The following SLC35F3 variants were observed in gnomAD, a reference collection of about 807,000 sequenced individuals.
SLC35F3 encodes the protein putative thiamine transporter SLC35F3.
In SLC35F3, 25 loss-of-function variants were observed where a neutral mutation model predicts 49.9. The ratio of observed to expected loss-of-function variants is 0.50; its 90% CI spans 0.37 to 0.70. SLC35F3 has a LOEUF of 0.70. Ranked by LOEUF, SLC35F3 falls within the 30% of genes least tolerant of loss-of-function variation. SLC35F3 has a pLI of 0.00. For synonymous variants in SLC35F3, 275 were observed against 265.4 expected (o/e 1.04, Z -0.35); for missense variants, 525 against 639.8 (o/e 0.82, Z 1.94).
chr1:234,033,226 G>A (rs1664088726), intron 2 of SLC35F3, among the ~76,000 whole-genome samples: 1 of 151,984 alleles, frequency 6.6e-6, no homozygotes, highest in South Asian at 2.1e-4. Flanking sequence ...CTTGCAATTT[G>A]TTTGAGTTCT....
At chr1:234,149,156 GA>G in intron 2 of SLC35F3, among the ~76,000 whole-genome samples, 1 of 152,160 alleles carries the variant, frequency 6.6e-6, no homozygotes, top group African/African-American at 2.4e-5. Context: ...TGGAAAAGGG[GA>G]GAACCAAGTC....
At chr1:234,279,954 C>T (rs1414594171) in intron 3 of SLC35F3, among the ~76,000 whole-genome samples, 5 of 152,168 alleles carry the variant, frequency 3.3e-5, no homozygotes, top group Non-Finnish European at 7.3e-5. Flanking sequence ...GATAGGATAA[C>T]TCAATTCAGG....
chr1:234,246,869 C>A (rs561720831), intron 3 of SLC35F3, among the ~76,000 whole-genome samples: 2 of 152,180 alleles, frequency 1.3e-5, no homozygotes, highest in African/African-American at 4.8e-5. Context: ...TTGGGAGGCC[C>A]TGTCGGCTGC....
intron 2 of SLC35F3, among the ~76,000 whole-genome samples, chr1:234,021,617 G>A (rs1022187339): frequency 2.6e-5 from 4 of 152,194 alleles, no homozygotes. Flanking sequence ...GCCAAAGGCA[G>A]ACAGCCAATG....
At chr1:233,943,091 T>C (rs1339144022) in intron 2 of SLC35F3, among the ~76,000 whole-genome samples, 1 of 152,228 alleles carries the variant, frequency 6.6e-6, no homozygotes, top group Non-Finnish European at 1.5e-5. Flanking sequence ...GACAAATGAA[T>C]GGAGGCTAGA....
intron 2 of SLC35F3, among the ~76,000 whole-genome samples, chr1:234,035,968 C>G (rs6699703): frequency 0.37 from 55,568 of 152,062 alleles, 11,162 homozygotes; most frequent in Non-Finnish European, 0.46. Flanking sequence ...CTTGGCTGTC[C>G]GCTCATACTT....
intron 2 of SLC35F3, among the ~76,000 whole-genome samples, chr1:233,910,660 T>C (rs563813388): frequency 6.6e-6 from 1 of 152,360 alleles, no homozygotes; most frequent in African/African-American, 2.4e-5. Context: ...AATATTGAAC[T>C]CTTAAATCCT....
intron 2 of SLC35F3, among the ~76,000 whole-genome samples, chr1:234,216,525 C>A (rs1335157933): frequency 6.6e-6 from 1 of 152,214 alleles, no homozygotes; most frequent in Non-Finnish European, 1.5e-5. Context: ...CACCAACCCC[C>A]CAAAAAGTCC....
At chr1:234,277,810 G>A (rs1668235948) in intron 3 of SLC35F3, among the ~76,000 whole-genome samples, 2 of 152,204 alleles carry the variant, frequency 1.3e-5, no homozygotes, top group Admixed American at 1.3e-4. Flanking sequence ...TTTCTGGAAG[G>A]CAAACGACAC....
Position 234,235,820 on chromosome 1 carries a change from T to C in SLC35F3, c.608+4079T>C, listed in dbSNP as rs2102953656. Among the ~76,000 whole-genome samples the C allele has an allele frequency of 2.0e-5, 3 of 152,350 alleles. No homozygotes were observed. In the Middle Eastern group the frequency reaches 0.01, roughly 518 times the overall value. On this transcript the variant is annotated intron_variant, in intron 3 of 7. Coordinates refer to ENST00000366618, the MANE Select transcript of SLC35F3 (RefSeq NM_173508.4). ...AAGGGCAGTTTAGATGCCTTTCATC[T>C]TAAACCCTGCAAGGGCCCGGTGTGT...
chr1:234,271,126 A>G (rs146380019), intron 3 of SLC35F3, among the ~76,000 whole-genome samples: 42 of 152,354 alleles, frequency 2.8e-4, no homozygotes, highest in African/African-American at 8.9e-4. Flanking sequence ...TGAAGTTCAA[A>G]TCATAGGCTT....
intron 3 of SLC35F3, among the ~76,000 whole-genome samples, chr1:234,280,557 G>T (rs779894747): frequency 1.3e-5 from 2 of 152,182 alleles, no homozygotes; most frequent in Non-Finnish European, 2.9e-5. Flanking sequence ...GGTAGAACAA[G>T]AAAATGGCTG....
intron 2 of SLC35F3, among the ~76,000 whole-genome samples, chr1:233,956,248 A>G (rs1029614719): frequency 3.9e-5 from 6 of 152,172 alleles, no homozygotes; most frequent in Non-Finnish European, 5.9e-5. Context: ...CTATTGCTCT[A>G]GAATTGGTAG....
intron 2 of SLC35F3, among the ~76,000 whole-genome samples, chr1:234,226,967 A>G (rs1433884431): frequency 6.6e-6 from 1 of 151,184 alleles, no homozygotes; most frequent in South Asian, 2.2e-4. Context: ...GCGTGCACAC[A>G]CACACACACA....
intron 2 of SLC35F3, among the ~76,000 whole-genome samples, chr1:234,058,576 C>G (rs950869142): frequency 1.4e-4 from 21 of 152,018 alleles, no homozygotes; most frequent in Non-Finnish European, 1.0e-4. Context: ...AACTTCTGGC[C>G]TGAAATGATC....
intron 5 of SLC35F3, among the ~76,000 whole-genome samples, chr1:234,318,545 G>C (rs956270176): frequency 2.6e-5 from 4 of 152,194 alleles, no homozygotes; most frequent in Non-Finnish European, 5.9e-5. Flanking sequence ...TTTCTGTATA[G>C]CTAAAGAGCA....
intron 2 of SLC35F3, among the ~76,000 whole-genome samples, chr1:233,968,255 C>CATT (rs1662932189): frequency 6.6e-6 from 1 of 152,168 alleles, no homozygotes. Context: ...ACATGGCTGA[C>CATT]TTCTTATAAG....
At chr1:234,190,809 G>A (rs1028270360) in intron 2 of SLC35F3, among the ~76,000 whole-genome samples, 2 of 152,192 alleles carry the variant, frequency 1.3e-5, no homozygotes, top group African/African-American at 4.8e-5. Context: ...TACTACTTGA[G>A]ACCCTCATTG....
chr1:234,243,095 G>A (rs1047018320), intron 3 of SLC35F3, among the ~76,000 whole-genome samples: 6 of 152,168 alleles, frequency 3.9e-5, no homozygotes, highest in African/African-American at 1.2e-4. Context: ...GCTCATGCCT[G>A]TAATCCCAGC....
Sources: gnomAD v4.1 joint callset for allele counts (sites outside exome capture counted in the v4.1 genomes callset) on GRCh38, gnomAD v4.1.1 for gene constraint, MANE v1.5 for transcripts, NCBI Gene and HGNC (gene_info 2026-07-23, HGNC 2026-07-21) for gene names.